CACHD1: variants seen among roughly 807,000 people sequenced by gnomAD.
CACHD1 encodes cache domain containing 1, also known as VWFA and cache domain-containing protein 1.
CACHD1 carries 71 observed loss-of-function variants against 138.7 expected under a neutral mutation model. That is an observed-to-expected ratio of 0.51 (90% CI 0.42 to 0.62). The LOEUF (loss-of-function observed/expected upper bound fraction) is 0.62. Ranked by LOEUF, CACHD1 falls within the 20% of genes least tolerant of loss-of-function variation. CACHD1 has a pLI of 0.00. For missense variants in CACHD1, 1,389 were observed against 1,625.3 expected (o/e 0.85, Z 2.50); for synonymous variants, 578 against 591.5 (o/e 0.98, Z 0.33).
At chr1:64,524,526 G>A (rs1646522012) in intron 1 of CACHD1, among the ~76,000 whole-genome samples, 1 of 152,084 alleles carries the variant, frequency 6.6e-6, no homozygotes, top group African/African-American at 2.4e-5. Context: ...AGGGATATAG[G>A]AATAATGTAA....
chr1:64,563,626 T>A (rs1464601983), intron 2 of CACHD1: 1 of 152,160 alleles, frequency 6.6e-6, no homozygotes, highest in Admixed American at 6.5e-5. Flanking sequence ...CCGATGTGAA[T>A]CATCAGTCCT....
intron 3 of CACHD1, among the ~76,000 whole-genome samples, chr1:64,585,580 G>C (rs1395526236): frequency 1.3e-5 from 2 of 152,218 alleles, no homozygotes; most frequent in Non-Finnish European, 2.9e-5. Context: ...GTAGTTGACA[G>C]AGCCAAGAAC....
At chr1:64,503,018 CA>C (rs1646348593) in intron 1 of CACHD1, among the ~76,000 whole-genome samples, 1 of 152,116 alleles carries the variant, frequency 6.6e-6, no homozygotes, top group Admixed American at 6.5e-5. Flanking sequence ...AAGGCAACAG[CA>C]AGTATTCATT....
chr1:64,512,417 A>AAAAAGCAG (rs1349480820), intron 1 of CACHD1, among the ~76,000 whole-genome samples: 1 of 147,958 alleles, frequency 6.8e-6, no homozygotes, highest in East Asian at 2.0e-4. Flanking sequence ...AAAAAAAAAA[A>AAAAAGCAG]AAGCAGAAGC....
intron 1 of CACHD1, among the ~76,000 whole-genome samples, chr1:64,531,843 CA>C (rs1437939599): frequency 6.6e-6 from 1 of 152,156 alleles, no homozygotes; most frequent in African/African-American, 2.4e-5. Context: ...AGTTTAATGC[CA>C]GACTCATTCC....
At chr1:64,606,116 C>A (rs1647329337) in intron 4 of CACHD1, among the ~76,000 whole-genome samples, 1 of 151,864 alleles carries the variant, frequency 6.6e-6, no homozygotes, top group South Asian at 2.1e-4. Context: ...AACACACACA[C>A]ACACACACAC....
chr1:64,611,908 G>T (rs1647545907), intron 4 of CACHD1, among the ~76,000 whole-genome samples: 1 of 152,196 alleles, frequency 6.6e-6, no homozygotes, highest in South Asian at 2.1e-4. Flanking sequence ...AGTTTGTGAA[G>T]AAAAGAGGCT....
At chr1:64,495,948 C>G (rs1277695729) in intron 1 of CACHD1, among the ~76,000 whole-genome samples, 1 of 152,056 alleles carries the variant, frequency 6.6e-6, no homozygotes, top group East Asian at 1.9e-4. Flanking sequence ...TTGGCTGGGA[C>G]CTTGGTAGCT....
At chr1:64,531,822 T>G (rs1351957948) in intron 1 of CACHD1, among the ~76,000 whole-genome samples, 1 of 152,200 alleles carries the variant, frequency 6.6e-6, no homozygotes, top group Non-Finnish European at 1.5e-5. Flanking sequence ...TGGGAAAATC[T>G]TCCATGTTAC....
chr1:64,518,972 G>C (rs1646478492), intron 1 of CACHD1, among the ~76,000 whole-genome samples: 1 of 152,082 alleles, frequency 6.6e-6, no homozygotes, highest in Non-Finnish European at 1.5e-5. Flanking sequence ...AACCTTAGTG[G>C]TTCTATCAAT....
chr1:64,675,493 C>T lies in CACHD1; in HGVS notation c.2820C>T (p.Asn940=), dbSNP rs562187673. 1.2e-4 allele frequency: 191 copies of T among 1,613,528 alleles called. No homozygotes were observed. In the East Asian group the frequency reaches 1.9e-3, roughly 16 times the overall value. Residue 940 remains asparagine (N), a synonymous_variant, in exon 20 of 27, where the codon AAC becomes AAT. Transcript: ENST00000651257. ...PGTNAFVGIV[N]ETCDSLAFCA... ...CCAACGCGTTTGTTGGCATTGTCAA[C>T]GAAACCTGCGACTCTCTTGCCTTCT...
At chr1:64,603,294 C>T (rs914723547) in intron 4 of CACHD1, among the ~76,000 whole-genome samples, 5 of 151,650 alleles carry the variant, frequency 3.3e-5, no homozygotes, top group African/African-American at 1.2e-4. Flanking sequence ...TTAGTAGAGA[C>T]GGGTTTTCAC....
chr1:64,579,000 A>G (rs754476880), intron 2 of CACHD1, among the ~76,000 whole-genome samples: 3 of 152,344 alleles, frequency 2.0e-5, no homozygotes, highest in African/African-American at 4.8e-5. Flanking sequence ...CACTAGGATT[A>G]TGGCACCACA....
chr1:64,563,506 A>G (rs971570912), intron 2 of CACHD1, among the ~76,000 whole-genome samples: 6 of 152,220 alleles, frequency 3.9e-5, no homozygotes, highest in African/African-American at 1.4e-4. Context: ...GAGAATAAAG[A>G]TGCCTGGTAG....
At chr1:64,561,696 T>A (rs997273260) in intron 2 of CACHD1, among the ~76,000 whole-genome samples, 4 of 45,388 alleles carry the variant, frequency 8.8e-5, no homozygotes, top group Non-Finnish European at 3.8e-4. Flanking sequence ...GTCTACAATT[T>A]TTTTCTTTTT....
chr1:64,523,885 C>G (rs1415390584), intron 1 of CACHD1, among the ~76,000 whole-genome samples: 1 of 151,840 alleles, frequency 6.6e-6, no homozygotes, highest in Non-Finnish European at 1.5e-5. Flanking sequence ...TTCTTGCTTC[C>G]TTTTTCTAAT....
At chr1:64,676,219 T>C (rs1288381248) in intron 21 of CACHD1, among the ~76,000 whole-genome samples, 2 of 152,044 alleles carry the variant, frequency 1.3e-5, no homozygotes, top group African/African-American at 2.4e-5. Context: ...AGAGTGTATG[T>C]GCTACATACA....
chr1:64,483,681 CAAAAA>C (rs10537125), intron 1 of CACHD1, among the ~76,000 whole-genome samples: 2 of 58,202 alleles, frequency 3.4e-5, no homozygotes, highest in Non-Finnish European at 8.1e-5. Context: ...CTGTCTCTAC[CAAAAA>C]AAAAAAAAAA....
chr1:64,643,627 G>C (rs544597667), intron 8 of CACHD1, among the ~76,000 whole-genome samples: 81 of 152,260 alleles, frequency 5.3e-4, no homozygotes, highest in Non-Finnish European at 9.4e-4. Flanking sequence ...ACGAGGTCAG[G>C]AGATCAAGAC....
Sources: allele counts gnomAD v4.1 joint callset (sites outside exome capture counted in the v4.1 genomes callset), GRCh38; gene constraint gnomAD v4.1.1; transcripts MANE v1.5; gene names NCBI Gene and HGNC (gene_info 2026-07-23, HGNC 2026-07-21).